The following KIAA1217 variants were observed in gnomAD, a reference collection of about 807,000 sequenced individuals.
KIAA1217 encodes sickle tail protein homolog.
In KIAA1217, 88 loss-of-function variants were observed where a neutral mutation model predicts 163.9. The observed-to-expected ratio is 0.54, with a 90% confidence interval of 0.45 to 0.64. KIAA1217 has a LOEUF of 0.64. Ranked by LOEUF, KIAA1217 falls within the 30% of genes least tolerant of loss-of-function variation. The pLI is 0.00. For missense variants in KIAA1217, 2,372 were observed against 2,475.0 expected (o/e 0.96, Z 0.88); for synonymous variants, 903 against 923.1 (o/e 0.98, Z 0.39).
At chr10:24,446,847 G>A (rs1275450165) in intron 5 of KIAA1217, among the ~76,000 whole-genome samples, 1 of 152,202 alleles carries the variant, frequency 6.6e-6, no homozygotes, top group East Asian at 1.9e-4. Context: ...CTTGCTCAAA[G>A]CTACCCAGCT....
intron 6 of KIAA1217, among the ~76,000 whole-genome samples, chr10:24,486,808 T>C (rs1243288036): frequency 6.6e-6 from 1 of 152,316 alleles, no homozygotes; most frequent in South Asian, 2.1e-4. Context: ...TTCTCCTTCA[T>C]GTTCGTTGGT....
At chr10:24,223,573 C>A (rs561662006) in intron 2 of KIAA1217, among the ~76,000 whole-genome samples, 1 of 152,172 alleles carries the variant, frequency 6.6e-6, no homozygotes, top group African/African-American at 2.4e-5. Context: ...ATACCAGATG[C>A]TCTTCTGGCA....
chr10:24,389,960 G>A (rs867230733), intron 3 of KIAA1217, among the ~76,000 whole-genome samples: 29 of 152,150 alleles, frequency 1.9e-4, no homozygotes, highest in African/African-American at 6.0e-4. Context: ...ATCTGTGCTG[G>A]CAGCTTCCAA....
rs1316007065 is a variant in KIAA1217 at position 24,240,866 on chromosome 10, TA to T, written c.354+20967del. Among the ~76,000 whole-genome samples, 188 of 146,986 alleles carry T rather than the reference TA, an allele frequency of 1.3e-3. 1 individual carries two copies. The highest frequency in any genetic ancestry group is 4.2e-3 in the African/African-American group (161 of 38,206). ...GTAAGGCTAGTAGTCTTTTTTTTTT[TA>T]AAAAAAAAAGACAGGGTCTCACTCT... On this transcript the variant is annotated intron_variant, in intron 2 of 20. Coordinates refer to ENST00000376454, the MANE Select transcript of KIAA1217 (RefSeq NM_019590.5).
chr10:23,969,020 G>A (rs1401602006), intron 1 of KIAA1217, among the ~76,000 whole-genome samples: 1 of 152,056 alleles, frequency 6.6e-6, no homozygotes, highest in East Asian at 1.9e-4. Context: ...GCACATAGAA[G>A]CTCTATGTTT....
intron 1 of KIAA1217, among the ~76,000 whole-genome samples, chr10:23,700,918 ATT>A (rs11292318): frequency 4.0e-5 from 6 of 151,106 alleles, no homozygotes; most frequent in Non-Finnish European, 4.4e-5. Flanking sequence ...AAAGGAAGAG[ATT>A]TTTTTTTTCT....
At chr10:24,378,036 G>C (rs1216854012) in intron 2 of KIAA1217, among the ~76,000 whole-genome samples, 2 of 152,138 alleles carry the variant, frequency 1.3e-5, no homozygotes, top group East Asian at 3.9e-4. Flanking sequence ...GATCGTGGGG[G>C]TCTCACATCT....
At chr10:24,338,905 G>C (rs1343981008) in intron 2 of KIAA1217, among the ~76,000 whole-genome samples, 1 of 152,108 alleles carries the variant, frequency 6.6e-6, no homozygotes, top group Non-Finnish European at 1.5e-5. Flanking sequence ...TATAAACCAA[G>C]ATTCATTTCA....
intron 2 of KIAA1217, among the ~76,000 whole-genome samples, chr10:24,147,162 T>C (rs919637061): frequency 6.6e-6 from 1 of 152,178 alleles, no homozygotes. Context: ...GGTTGATAAA[T>C]ACAGAACACA....
Position 24,231,680 on chromosome 10 carries a change from G to GA in KIAA1217, c.354+11779dup, listed in dbSNP as rs1023327398. Among the ~76,000 whole-genome samples the GA allele has an allele frequency of 1.8e-3, 271 of 150,808 alleles. 2 individuals are homozygous for GA. Among genetic ancestry groups the GA allele is most frequent in the African/African-American group, 6.4e-3 (263 of 41,220 alleles). On this transcript the variant is annotated intron_variant, in intron 2 of 20. Transcript: ENST00000376454. ...TATGATGAAAAACAAAAGTAAAAAA[G>GA]AAAAAAAATGAACAGAAAGAAGAGC...
intron 2 of KIAA1217, among the ~76,000 whole-genome samples, chr10:24,222,102 G>A (rs1454133230): frequency 1.3e-5 from 2 of 152,172 alleles, no homozygotes; most frequent in Non-Finnish European, 2.9e-5. Context: ...TATAATTATT[G>A]TTATTGCTGT....
chr10:24,194,644 G>A (rs910175720), intron 2 of KIAA1217, among the ~76,000 whole-genome samples: 3 of 151,488 alleles, frequency 2.0e-5, no homozygotes, highest in African/African-American at 7.3e-5. Flanking sequence ...CATGATCACA[G>A]CTCATTGCAG....
intron 2 of KIAA1217, chr10:24,368,776 A>G: frequency 1.2e-6 from 1 of 866,788 alleles, no homozygotes; most frequent in Non-Finnish European, 1.4e-6. Flanking sequence ...AAGCTACGGG[A>G]CTTCCCAAGA....
intron 1 of KIAA1217, among the ~76,000 whole-genome samples, chr10:23,976,009 C>T (rs1845525259): frequency 6.6e-6 from 1 of 152,170 alleles, no homozygotes; most frequent in Admixed American, 6.5e-5. Context: ...GCCTGTCTTT[C>T]AACCTATCAT....
intron 2 of KIAA1217, among the ~76,000 whole-genome samples, chr10:24,338,723 C>A (rs1403000519): frequency 6.6e-6 from 1 of 152,118 alleles, no homozygotes; most frequent in Non-Finnish European, 1.5e-5. Context: ...TGTTCCTTTT[C>A]AAATATTGTC....
intron 1 of KIAA1217, among the ~76,000 whole-genome samples, chr10:24,213,992 A>G (rs567301088): frequency 6.6e-6 from 1 of 151,252 alleles, no homozygotes; most frequent in Admixed American, 6.6e-5. Context: ...CTCTACAAAA[A>G]AAAATGTTTT....
At chr10:24,401,406 G>C (rs920393384) in intron 3 of KIAA1217, among the ~76,000 whole-genome samples, 3 of 152,088 alleles carry the variant, frequency 2.0e-5, no homozygotes, top group Non-Finnish European at 4.4e-5. Context: ...ACCAAGCGAG[G>C]TTTATTCCAG....
In KIAA1217 at chr10:24,524,325, A is replaced by G. The variant is rs757109641; in HGVS notation, c.2459A>G (p.His820Arg). The G allele has an allele frequency of 1.2e-6, 2 of 1,608,326 alleles. No individual in the cohort carries two copies. The highest frequency in any genetic ancestry group is 2.2e-5 in the East Asian group (1 of 44,676). Residue 820 changes from histidine (H) to arginine (R), a missense_variant and splice_region_variant, in exon 13 of 21, where the codon CAT becomes CGT. Physicochemically the swap from His to Arg is conservative, Grantham distance 29. This residue lies in a region of KIAA1217 where 1,431 missense variants were observed against 1,470.3 expected (regional missense o/e 0.97). Coordinates refer to ENST00000376454, the MANE Select transcript of KIAA1217 (RefSeq NM_019590.5). ...MTDVLTMLRRHVTDGLLKGTD... is the reference protein window; with the variant it reads ...MTDVLTMLRRRVTDGLLKGTD... ...CCGCTGTGCATGGTTTCTCCTAGAC[A>G]TGTCACTGATGGGCTCCTGAAAGGC...
intron 1 of KIAA1217, among the ~76,000 whole-genome samples, chr10:23,927,946 C>G (rs943410498): frequency 2.0e-5 from 3 of 152,158 alleles, no homozygotes; most frequent in Non-Finnish European, 2.9e-5. Flanking sequence ...CTAATTCAAT[C>G]ACTGAAGGAC....
Sources: gnomAD v4.1 joint callset for allele counts (sites outside exome capture counted in the v4.1 genomes callset) on GRCh38, gnomAD v4.1.1 for gene constraint, gnomAD v4.1.1 regional missense constraint, MANE v1.5 for transcripts, NCBI Gene and HGNC (gene_info 2026-07-23, HGNC 2026-07-21) for gene names.